WDR35: variants seen among roughly 807,000 people sequenced by gnomAD.
The protein encoded by WDR35 is WD repeat domain 35.
A neutral mutation model predicts 158.3 loss-of-function variants in WDR35; 118 were observed. The ratio of observed to expected loss-of-function variants is 0.75; its 90% confidence interval spans 0.64 to 0.87. WDR35 has a LOEUF of 0.87. Among genes scored for constraint, WDR35 ranks in the 40% least tolerant of loss-of-function variants. The pLI is 0.00. For missense variants in WDR35, 1,263 were observed against 1,405.8 expected, an observed-to-expected ratio of 0.90 and a Z score of 1.62; for synonymous variants, 448 against 476.1, an observed-to-expected ratio of 0.94 and a Z score of 0.77.
At chr2:19,987,437 T>C (rs1254917525) in intron 2 of WDR35, among the ~76,000 whole-genome samples, 1 of 152,142 alleles carries the variant, frequency 6.6e-6, no homozygotes, top group African/African-American at 2.4e-5. Context: ...AATACTCCAG[T>C]CACAGCTCAT....
chr2:19,941,497 T>C (rs1670875059), intron 17 of WDR35, among the ~76,000 whole-genome samples: 1 of 152,190 alleles, frequency 6.6e-6, no homozygotes, highest in Non-Finnish European at 1.5e-5. Context: ...ATAATAACAA[T>C]CCTATAAGTA....
chr2:19,914,293 C>A lies in WDR35; in HGVS notation c.3122-16G>T, dbSNP rs1318873553. ...AGGTGAAGAGCTAAGAAAAACAGGG[C>A]AATTGGGGTTTTTTAAAATAATTAT... On this transcript the variant is annotated splice_polypyrimidine_tract_variant and intron_variant, in intron 25 of 26. Transcript: ENST00000281405. 4.3e-6 allele frequency: 7 copies of A among 1,613,618 alleles called. No homozygotes were observed. In the African/African-American group the frequency reaches 9.3e-5, roughly 22 times the overall value.
chr2:19,930,577 T>G (rs1460971048), intron 24 of WDR35, 25 bp from the exon 25 acceptor site: 1 of 1,613,614 alleles, frequency 6.2e-7, no homozygotes, highest in East Asian at 2.2e-5. Context: ...AGCCCACACT[T>G]TCCGTCAGCA....
At position 19,940,226 on chromosome 2, in the gene WDR35, G is replaced by T. The variant is rs182020708; in HGVS notation, c.1926+1533C>A. ...AAAAAAAACACAAAAAATTAGCCAA[G>T]CATGGCGGCCTGTGCCTGGGACCCC... On this transcript the variant is annotated intron_variant, in intron 17 of 26. Coordinates refer to ENST00000281405, the MANE Select transcript of WDR35 (RefSeq NM_020779.4). 1.0e-2 allele frequency among the ~76,000 whole-genome samples: 1,486 copies of T among 148,714 alleles called. 13 individuals carry two copies. The highest frequency in any genetic ancestry group is 0.014 in the Non-Finnish European group (943 of 67,336).
intron 3 of WDR35, among the ~76,000 whole-genome samples, chr2:19,982,140 A>C (rs1362342177): frequency 2.0e-5 from 3 of 152,194 alleles, no homozygotes; most frequent in African/African-American, 7.2e-5. Context: ...TTAGTACAGA[A>C]ATCAATAAGT....
chr2:19,941,239 T>C (rs1167438359), intron 17 of WDR35, among the ~76,000 whole-genome samples: 1 of 151,866 alleles, frequency 6.6e-6, no homozygotes, highest in Non-Finnish European at 1.5e-5. Flanking sequence ...AATGCAGGGG[T>C]TCAAAATCAT....
At chr2:19,955,579 CA>C (rs2103428840) in intron 11 of WDR35, among the ~76,000 whole-genome samples, 1 of 152,058 alleles carries the variant, frequency 6.6e-6, no homozygotes, top group Admixed American at 6.5e-5. Context: ...TACATAAAAG[CA>C]AAAAACTCCG....
intron 25 of WDR35, among the ~76,000 whole-genome samples, chr2:19,922,797 G>A (rs534461782): frequency 7.7e-4 from 117 of 152,294 alleles, no homozygotes; most frequent in Admixed American, 5.5e-3. Flanking sequence ...CCCAAAACTG[G>A]CCATAAACAA....
chr2:19,975,738 T>G, intron 5 of WDR35, 75 bp from the exon 6 acceptor site: 1 of 1,588,778 alleles, frequency 6.3e-7, no homozygotes, highest in Non-Finnish European at 8.6e-7. Context: ...TTTGTTTTTC[T>G]AAAGATCTCA....
rs12614643 is a variant in WDR35 at position 19,934,487 on chromosome 2, C to A, written c.2548-976G>T. Among the ~76,000 whole-genome samples the A allele has an allele frequency of 0.084, 12,828 of 151,920 alleles. 633 individuals are homozygous for A. The highest frequency in any genetic ancestry group is 0.23 in the East Asian group (1,175 of 5,172). ...ACACCTTCCCATATTATTAAAAATTCTTCTATAACTCTATTTAAAATTTAT... is the reference window on the plus strand; with the variant it reads ...ACACCTTCCCATATTATTAAAAATTATTCTATAACTCTATTTAAAATTTAT... On this transcript the variant is annotated intron_variant, in intron 21 of 26. Transcript: ENST00000281405. The surrounding 1 kb of genome is among the most constrained non-coding windows in gnomAD (Gnocchi z 4.6).
chr2:19,982,765 T>C (rs573618688), intron 2 of WDR35, among the ~76,000 whole-genome samples: 1 of 152,336 alleles, frequency 6.6e-6, no homozygotes, highest in South Asian at 2.1e-4. Context: ...ATACATTACA[T>C]ATATTAATAA....
chr2:19,936,441 C>T (rs1558331563), intron 19 of WDR35, 76 bp from the exon 20 acceptor site: 1 of 1,602,380 alleles, frequency 6.2e-7, no homozygotes, highest in Non-Finnish European at 8.5e-7. Context: ...GTGTTAGGTA[C>T]AGTTCTAGGT....
Position 19,938,103 on chromosome 2 carries a change from T to C in WDR35, c.2064-157A>G, listed in dbSNP as rs2293671. The stretch of plus-strand genomic sequence containing the variant: ...CATTTTTCAAATAATTTTCTGCTTA[T>C]TTTGAGGACTTCCAAATCTAAATGA... On this transcript the variant is annotated intron_variant, in intron 18 of 26. Coordinates refer to ENST00000281405, the MANE Select transcript of WDR35 (RefSeq NM_020779.4). 0.1 allele frequency among the ~76,000 whole-genome samples: 15,961 copies of C among 152,204 alleles called. 925 individuals are homozygous for C. The highest frequency in any genetic ancestry group is 0.2 in the South Asian group (953 of 4,826).
In WDR35 at chr2:19,978,767, T is replaced by G. The variant is rs569159167; in HGVS notation, c.420A>C (p.Ile140=). 6.8e-6 allele frequency: 11 copies of G among 1,613,858 alleles called. No individual in the cohort carries two copies. In the South Asian group the frequency reaches 1.2e-4, roughly 18 times the overall value. The change falls in exon 5 of 27, where the codon ATA becomes ATC. Residue 140 remains isoleucine (I), a synonymous_variant. Coordinates refer to ENST00000281405, the MANE Select transcript of WDR35 (RefSeq NM_020779.4). The part of the protein sequence containing the change: ...ICIVYEDGAV[I]VGSVDGNRIW... Reference sequence around the variant, plus strand: ...ATACATTACCATCCACTGAACCAACTATCACAGCCCCATCTTCATATACAA... The same window carrying G: ...ATACATTACCATCCACTGAACCAACGATCACAGCCCCATCTTCATATACAA...
intron 11 of WDR35, among the ~76,000 whole-genome samples, chr2:19,954,903 C>T (rs954398420): frequency 3.9e-5 from 6 of 152,126 alleles, no homozygotes; most frequent in African/African-American, 1.2e-4. Context: ...ACTCAAACAA[C>T]CATTAATTGA....
chr2:19,919,605 A>G (rs1670105185), intron 25 of WDR35, among the ~76,000 whole-genome samples: 1 of 152,214 alleles, frequency 6.6e-6, no homozygotes, highest in African/African-American at 2.4e-5. Context: ...GAAAATTTAT[A>G]GCACTAAATG....
intron 12 of WDR35, 143 bp downstream of exon 12, chr2:19,953,690 AT>A (rs1671322936): frequency 6.4e-6 from 7 of 1,096,734 alleles, no homozygotes; most frequent in Admixed American, 6.2e-5. Context: ...AAACACATAA[AT>A]TTTAAAGATA....
chr2:19,953,446 T>C (rs1468699091), intron 12 of WDR35, among the ~76,000 whole-genome samples: 4 of 152,182 alleles, frequency 2.6e-5, no homozygotes, highest in Non-Finnish European at 5.9e-5. Flanking sequence ...GTCACTGATA[T>C]TGGAATCACC....
intron 8 of WDR35, among the ~76,000 whole-genome samples, chr2:19,973,329 T>A (rs1459410170): frequency 1.3e-5 from 2 of 152,250 alleles, no homozygotes; most frequent in East Asian, 1.9e-4. Context: ...TGATTTCTTA[T>A]GTTAAACTTC....
Sources: gnomAD v4.1 joint callset for allele counts (sites outside exome capture counted in the v4.1 genomes callset) on GRCh38, gnomAD v4.1.1 for gene constraint, Gnocchi (gnomAD v3.1) non-coding constraint, MANE v1.5 for transcripts, NCBI Gene and HGNC (gene_info 2026-07-23, HGNC 2026-07-21) for gene names.